Variants in POFUT3 observed in about 807,000 individuals in gnomAD.
POFUT3 encodes protein O-fucosyltransferase 3, also known as GDP-fucose protein O-fucosyltransferase 3.
the POFUT3 span, among the ~76,000 whole-genome samples, chr8:33,343,212 G>A: frequency 2.9e-3 from 443 of 152,154 alleles, 4 homozygotes; most frequent in African/African-American, 1.0e-2. Context: ...TTCCACAAGT[G>A]TGTACAGACA....
chr8:33,348,253 C>A, the POFUT3 span, among the ~76,000 whole-genome samples: 1 of 150,352 alleles, frequency 6.7e-6, no homozygotes, highest in Admixed American at 6.6e-5. Context: ...ACATTGGAGA[C>A]AAGGAACATA....
chr8:33,372,285 C>T, the POFUT3 span: 4 of 1,140,674 alleles, frequency 3.5e-6, no homozygotes, highest in East Asian at 1.7e-4. Flanking sequence ...AAAGTACTCA[C>T]TCTAGGTGAA....
At chr8:33,458,091 A>G in the POFUT3 span, among the ~76,000 whole-genome samples, 2 of 152,190 alleles carry the variant, frequency 1.3e-5, no homozygotes, top group Non-Finnish European at 2.9e-5. Context: ...GCCCTAATCC[A>G]TTAGGACTGG....
the POFUT3 span, chr8:33,453,036 C>T: frequency 3.3e-6 from 2 of 599,016 alleles, no homozygotes; most frequent in African/African-American, 1.9e-5. Context: ...CCCGGCCAGG[C>T]TTGTTTCTTT....
At chr8:33,417,505 A>C in the POFUT3 span, among the ~76,000 whole-genome samples, 1 of 152,182 alleles carries the variant, frequency 6.6e-6, no homozygotes, top group Non-Finnish European at 1.5e-5. Context: ...ACAGCCACTC[A>C]GCGGAGCAAA....
the POFUT3 span, among the ~76,000 whole-genome samples, chr8:33,346,957 A>C: frequency 5.3e-5 from 8 of 152,330 alleles, no homozygotes; most frequent in Admixed American, 4.6e-4. Context: ...AGGAAATATA[A>C]TTTCTCCATA....
At chr8:33,399,801 GCAC>G in the POFUT3 span, among the ~76,000 whole-genome samples, 5 of 151,844 alleles carry the variant, frequency 3.3e-5, no homozygotes, top group African/African-American at 1.2e-4. Flanking sequence ...CTACAGACGT[GCAC>G]CACCACGCCC....
chr8:33,402,378 G>A, the POFUT3 span, among the ~76,000 whole-genome samples: 31 of 152,288 alleles, frequency 2.0e-4, no homozygotes, highest in African/African-American at 7.0e-4. Flanking sequence ...TTTGACCTCA[G>A]TTAGAAGCTA....
the POFUT3 span, among the ~76,000 whole-genome samples, chr8:33,342,776 C>T: frequency 0.011 from 1,627 of 152,130 alleles, 12 homozygotes; most frequent in Non-Finnish European, 0.018. Flanking sequence ...GTGCAGTTAC[C>T]GTATGACTCA....
chr8:33,350,208 G>T, the POFUT3 span, among the ~76,000 whole-genome samples: 1 of 152,056 alleles, frequency 6.6e-6, no homozygotes, highest in Admixed American at 6.6e-5. Flanking sequence ...ACTATTCTCT[G>T]GGTCGTCTGT....
At chr8:33,333,058 TC>T in the POFUT3 span, among the ~76,000 whole-genome samples, 25 of 152,196 alleles carry the variant, frequency 1.6e-4, no homozygotes, top group Non-Finnish European at 3.1e-4. Flanking sequence ...CTATTTTCCA[TC>T]TATTGGTGGG....
chr8:33,336,471 A>G, the POFUT3 span, among the ~76,000 whole-genome samples: 4 of 152,212 alleles, frequency 2.6e-5, no homozygotes, highest in Non-Finnish European at 5.9e-5. Context: ...TAATTTTTTA[A>G]TAGTGGCTGT....
the POFUT3 span, among the ~76,000 whole-genome samples, chr8:33,322,135 T>C: frequency 6.6e-6 from 1 of 152,090 alleles, no homozygotes; most frequent in African/African-American, 2.4e-5. Context: ...CAGGACTGAG[T>C]TCTTGGTCTT....
the POFUT3 span, among the ~76,000 whole-genome samples, chr8:33,333,012 G>T: frequency 1.3e-5 from 2 of 152,196 alleles, no homozygotes; most frequent in African/African-American, 4.8e-5. Context: ...TTCAGCCAGA[G>T]TCATACATTT....
At chr8:33,365,156 G>A in the POFUT3 span, among the ~76,000 whole-genome samples, 52 of 152,226 alleles carry the variant, frequency 3.4e-4, no homozygotes, top group African/African-American at 1.2e-3. Flanking sequence ...CAAGAAATGG[G>A]GAAAGGATTT....
chr8:33,346,565 A>G, the POFUT3 span, among the ~76,000 whole-genome samples: 1 of 152,206 alleles, frequency 6.6e-6, no homozygotes, highest in Non-Finnish European at 1.5e-5. Flanking sequence ...CTCAATCTGG[A>G]CACTACCCCT....
At chr8:33,463,396 T>G in the POFUT3 span, among the ~76,000 whole-genome samples, 1 of 151,714 alleles carries the variant, frequency 6.6e-6, no homozygotes, top group Non-Finnish European at 1.5e-5. Flanking sequence ...TCCCAGCTAC[T>G]CGGGAGGCTG....
the POFUT3 span, among the ~76,000 whole-genome samples, chr8:33,471,237 TTTGTTGTTGTTG>T: frequency 2.0e-5 from 3 of 151,832 alleles, no homozygotes; most frequent in African/African-American, 4.8e-5. Flanking sequence ...GTTTTTGTTT[TTTGTTGTTGTTG>T]TTGTTGTTGT....
At chr8:33,313,262 A>T in the POFUT3 span, among the ~76,000 whole-genome samples, 2 of 152,174 alleles carry the variant, frequency 1.3e-5, no homozygotes, top group Non-Finnish European at 2.9e-5. Flanking sequence ...TATTACAGCA[A>T]AATACAACTA....
Sources: gnomAD v4.1 joint callset for allele counts (sites outside exome capture counted in the v4.1 genomes callset) on GRCh38, gnomAD v4.1.1 for gene constraint, MANE v1.5 for transcripts, NCBI Gene and HGNC (gene_info 2026-07-23, HGNC 2026-07-21) for gene names.